The following LRFN2 variants were observed in gnomAD, a reference collection of about 807,000 sequenced individuals.
The protein encoded by LRFN2 is leucine rich repeat and fibronectin type III domain containing 2, also known as leucine-rich repeat and fibronectin type-III domain-containing protein 2.
Under a neutral mutation model 37.3 loss-of-function variants are expected in LRFN2, and 18 were observed. The ratio of observed to expected loss-of-function variants is 0.48; its 90% confidence interval spans 0.33 to 0.72. The LOEUF is 0.72. Ranked by LOEUF, LRFN2 falls within the 30% of genes least tolerant of loss-of-function variation. The probability of loss-of-function intolerance (pLI) is 0.02; values close to 1 mark genes in which losing one functional copy is unlikely to be tolerated. For synonymous variants in LRFN2, 556 were observed against 466.6 expected (o/e 1.19, Z -2.47); for missense variants, 1,006 against 1,060.7 (o/e 0.95, Z 0.72).
rs529005624 is a variant in LRFN2 at position 40,580,420 on chromosome 6, C to T, written c.-19+6521G>A. The stretch of plus-strand genomic sequence containing the variant: ...TGTGAATCTCCCTGGTCCTTAGTTT[C>T]CCATCTTTAACCAGGGACAAAATAT... On this transcript the variant is annotated intron_variant, in intron 1 of 2. Coordinates refer to ENST00000338305, the MANE Select transcript of LRFN2 (RefSeq NM_020737.3). 3.3e-5 allele frequency among the ~76,000 whole-genome samples: 5 copies of T among 152,256 alleles called. No individual in the cohort carries two copies. In the East Asian group the frequency reaches 9.7e-4, roughly 29 times the overall value.
intron 1 of LRFN2, among the ~76,000 whole-genome samples, chr6:40,479,801 A>G (rs144705139): frequency 2.3e-4 from 35 of 152,336 alleles, no homozygotes; most frequent in Admixed American, 1.1e-3. Flanking sequence ...TTTGAAGACC[A>G]TGCCAGGATG....
chr6:40,525,817 A>C (rs1766239061), intron 1 of LRFN2, among the ~76,000 whole-genome samples: 1 of 152,000 alleles, frequency 6.6e-6, no homozygotes, highest in Admixed American at 6.6e-5. Flanking sequence ...AACCTGGACA[A>C]TCTTGCTTTT....
intron 2 of LRFN2, among the ~76,000 whole-genome samples, chr6:40,409,523 A>G (rs1006484739): frequency 2.6e-4 from 40 of 152,140 alleles, no homozygotes; most frequent in African/African-American, 8.7e-4. Flanking sequence ...TTGGTATTTG[A>G]AGATCAGTTT....
intron 1 of LRFN2, among the ~76,000 whole-genome samples, chr6:40,547,373 G>C (rs532270240): frequency 1.2e-3 from 180 of 152,258 alleles, no homozygotes; most frequent in Middle Eastern, 3.4e-3. Context: ...CCAAAGTGCT[G>C]GGATTATAGG....
intron 1 of LRFN2, among the ~76,000 whole-genome samples, chr6:40,445,215 G>C (rs933785638): frequency 1.3e-5 from 2 of 152,208 alleles, no homozygotes; most frequent in African/African-American, 4.8e-5. Flanking sequence ...AGGGTGTCTG[G>C]TGTTTTACAC....
At chr6:40,491,025 G>A (rs144666379) in intron 1 of LRFN2, among the ~76,000 whole-genome samples, 69 of 152,322 alleles carry the variant, frequency 4.5e-4, no homozygotes, top group Admixed American at 1.2e-3. Context: ...GGGGTGAGGG[G>A]GAGGAGGAAG....
chr6:40,562,831 TCACTCACACACACACACACA>T (rs1353604322), intron 1 of LRFN2, among the ~76,000 whole-genome samples: 1 of 144,048 alleles, frequency 6.9e-6, no homozygotes, highest in Non-Finnish European at 1.5e-5. Flanking sequence ...GTGCGTGCAC[TCACTCACACACACACACACA>T]CACACACACA....
chr6:40,467,207 A>ATGATG (rs1491425091), intron 1 of LRFN2, among the ~76,000 whole-genome samples: 879 of 74,138 alleles, frequency 0.012, 5 homozygotes, highest in African/African-American at 0.031. Flanking sequence ...GATGATGATG[A>ATGATG]TGTGTGTGTG....
At chr6:40,423,701 G>T (rs530890859) in intron 2 of LRFN2, among the ~76,000 whole-genome samples, 3 of 152,286 alleles carry the variant, frequency 2.0e-5, no homozygotes, top group African/African-American at 7.2e-5. Flanking sequence ...AGAAATGTGT[G>T]CCCAGTGAAA....
At chr6:40,498,687 C>A (rs951260676) in intron 1 of LRFN2, among the ~76,000 whole-genome samples, 6 of 152,206 alleles carry the variant, frequency 3.9e-5, no homozygotes, top group African/African-American at 1.4e-4. Context: ...GGCAGCTGTA[C>A]ACAATCACTA....
chr6:40,442,060 C>G (rs964403484), intron 1 of LRFN2, among the ~76,000 whole-genome samples: 11 of 152,190 alleles, frequency 7.2e-5, no homozygotes, highest in African/African-American at 2.4e-4. Flanking sequence ...ATCTCAACCC[C>G]TTACTCCCTC....
At chr6:40,421,830 C>T (rs1283889759) in intron 2 of LRFN2, among the ~76,000 whole-genome samples, 3 of 152,068 alleles carry the variant, frequency 2.0e-5, no homozygotes, top group African/African-American at 7.3e-5. Flanking sequence ...GGAAATAACC[C>T]CCAAATTTGG....
intron 2 of LRFN2, among the ~76,000 whole-genome samples, chr6:40,431,105 T>TC (rs1332527049): frequency 6.7e-6 from 1 of 148,688 alleles, no homozygotes; most frequent in Non-Finnish European, 1.5e-5. Flanking sequence ...TCTCTCTCTC[T>TC]TTTTTTTTTA....
intron 1 of LRFN2, among the ~76,000 whole-genome samples, chr6:40,492,373 T>C (rs369582813): frequency 6.6e-6 from 1 of 152,094 alleles, no homozygotes; most frequent in East Asian, 1.9e-4. Flanking sequence ...TCCCCTGTCC[T>C]GGCCCAGCTC....
intron 1 of LRFN2, among the ~76,000 whole-genome samples, chr6:40,583,049 C>G (rs1254956582): frequency 6.6e-6 from 1 of 152,124 alleles, no homozygotes; most frequent in Admixed American, 6.6e-5. Flanking sequence ...TAACACTTAC[C>G]TCTGTTAATT....
In LRFN2 at chr6:40,392,513, C is replaced by G. The variant is rs749673103; in HGVS notation, c.1800G>C (p.Pro600=). Residue 600 remains proline (P), a synonymous_variant, in exon 3 of 3, where the codon CCG becomes CCC. Coordinates refer to ENST00000338305, the MANE Select transcript of LRFN2 (RefSeq NM_020737.3). The surrounding 1 kb of genome is among the most constrained non-coding windows in gnomAD (Gnocchi z 4.7). ...APAGAPPQGP[P]KVVVRNELLD... is the part of the protein sequence containing the mutation. ...GGAGCTCGTTGCGCACCACCACCTTCGGCGGGCCCTGCGGCGGGGCCCCGG... is the reference window on the plus strand; with the variant it reads ...GGAGCTCGTTGCGCACCACCACCTTGGGCGGGCCCTGCGGCGGGGCCCCGG... 6.3e-7 allele frequency: 1 copy of G among 1,586,560 alleles called. No homozygotes were observed. Among genetic ancestry groups the G allele is most frequent in the African/African-American group, 1.3e-5 (1 of 74,282 alleles).
chr6:40,570,577 G>C (rs1767169200), intron 1 of LRFN2, among the ~76,000 whole-genome samples: 1 of 152,170 alleles, frequency 6.6e-6, no homozygotes, highest in Non-Finnish European at 1.5e-5. Flanking sequence ...GGCTGCAAGA[G>C]AGAAGCAATA....
chr6:40,393,002 A>T, intron 2 of LRFN2, 90 bp from the exon 3 acceptor site: 17 of 784,492 alleles, frequency 2.2e-5, no homozygotes, highest in East Asian at 8.2e-5. Flanking sequence ...ACAGAGTGAC[A>T]GAGATGGGGA....
At chr6:40,422,809 T>A (rs1380590650) in intron 2 of LRFN2, among the ~76,000 whole-genome samples, 1 of 152,140 alleles carries the variant, frequency 6.6e-6, no homozygotes, top group African/African-American at 2.4e-5. Context: ...TAACCAAACG[T>A]ATGTACAATT....
Sources: allele counts gnomAD v4.1 joint callset (sites outside exome capture counted in the v4.1 genomes callset), GRCh38; gene constraint gnomAD v4.1.1; non-coding constraint Gnocchi (gnomAD v3.1); transcripts MANE v1.5; gene names NCBI Gene and HGNC (gene_info 2026-07-23, HGNC 2026-07-21).